PDHX: variants seen among roughly 807,000 people sequenced by gnomAD.
PDHX encodes pyruvate dehydrogenase protein X component, mitochondrial.
Under a neutral mutation model 55.3 loss-of-function variants are expected in PDHX, and 33 were observed. The observed-to-expected ratio is 0.60, with a 90% CI of 0.45 to 0.80. The LOEUF is 0.80. PDHX is among the 30% of genes least tolerant of loss of function. PDHX has a pLI of 0.00. For missense variants in PDHX, 622 were observed against 619.9 expected (o/e 1.00, Z -0.04); for synonymous variants, 226 against 219.4 (o/e 1.03, Z -0.27).
chr11:34,939,468 GGTGTGTGTGTGTGTGTGTGT>G (rs68165754), intron 2 of PDHX, among the ~76,000 whole-genome samples: 1 of 149,186 alleles, frequency 6.7e-6, no homozygotes, highest in Admixed American at 6.7e-5. Context: ...TTTTACTAAT[GGTGTGTGTGTGTGTGTGTGT>G]GTGTGTGTGT....
chr11:34,961,082 T>C lies in PDHX; in HGVS notation c.641+564T>C, dbSNP rs375722858. On this transcript the variant is annotated intron_variant, in intron 5 of 10. Transcript: ENST00000227868. ...TCTGATAACAATAGCTTTGCTCTTT[T>C]TTTAAATCAGTTTTCTTAGTTCATT... Among the ~76,000 whole-genome samples, 71 of 152,342 alleles carry C rather than the reference T, an allele frequency of 4.7e-4. 1 individual carries two copies. Among genetic ancestry groups the C allele is most frequent in the African/African-American group, 1.6e-3 (67 of 41,582 alleles).
At chr11:34,918,462 A>G (rs751757126) in intron 1 of PDHX, among the ~76,000 whole-genome samples, 3 of 151,692 alleles carry the variant, frequency 2.0e-5, no homozygotes, top group Admixed American at 6.6e-5. Flanking sequence ...AAAAGTATAC[A>G]TAGGCCCAGT....
intron 5 of PDHX, among the ~76,000 whole-genome samples, chr11:34,961,956 T>C (rs942116537): frequency 6.6e-6 from 1 of 152,244 alleles, no homozygotes; most frequent in East Asian, 1.9e-4. Flanking sequence ...TCCTGATTTG[T>C]GTCTACTGTT....
chr11:34,922,409 T>G (rs976680237), intron 1 of PDHX, among the ~76,000 whole-genome samples: 2 of 152,182 alleles, frequency 1.3e-5, no homozygotes, highest in Admixed American at 6.5e-5. Context: ...CATTTAATAC[T>G]CACAACTAAT....
chr11:34,921,902 C>G (rs1853889938), intron 1 of PDHX, among the ~76,000 whole-genome samples: 1 of 152,194 alleles, frequency 6.6e-6, no homozygotes, highest in African/African-American at 2.4e-5. Flanking sequence ...TGCATTACTT[C>G]TAACCATCAT....
At position 34,957,529 on chromosome 11, in the gene PDHX, C is replaced by T; in HGVS notation, c.488C>T (p.Pro163Leu). Reference protein sequence around the residue: ...VSKPSEPRPSPEPQISIPVKK... With the variant: ...VSKPSEPRPSLEPQISIPVKK... ...AAACCTTCAGAGCCTCGCCCCTCAC[C>T]AGAACCACAGATTTCCATCCCTGTC... The change falls in exon 4 of 11, where the codon CCA becomes CTA. Residue 163 changes from proline to leucine, a missense_variant. Coordinates refer to ENST00000227868, the MANE Select transcript of PDHX (RefSeq NM_003477.3). 6.2e-7 allele frequency: 1 copy of T among 1,613,996 alleles called. No individual in the cohort carries two copies. Among genetic ancestry groups the T allele is most frequent in the Non-Finnish European group, 8.5e-7 (1 of 1,179,982 alleles).
intron 3 of PDHX, among the ~76,000 whole-genome samples, chr11:34,948,872 CTTTTGGCAAACTGTGT>C (rs1217810517): frequency 1.3e-5 from 2 of 152,168 alleles, no homozygotes; most frequent in Non-Finnish European, 2.9e-5. Flanking sequence ...ATTATGTGTG[CTTTTGGCAAACTGTGT>C]TCTTGGCCCC....
intron 3 of PDHX, among the ~76,000 whole-genome samples, chr11:34,956,462 C>T (rs992108779): frequency 2.0e-5 from 3 of 151,962 alleles, no homozygotes; most frequent in Non-Finnish European, 4.4e-5. Context: ...GCTAATGAAC[C>T]TTATTTAGAG....
intron 4 of PDHX, among the ~76,000 whole-genome samples, chr11:34,958,452 C>T (rs1854952070): frequency 6.6e-6 from 1 of 152,086 alleles, no homozygotes; most frequent in African/African-American, 2.4e-5. Context: ...AGGCATGTGC[C>T]ACCATGCCTG....
chr11:34,941,549 C>G (rs1854480917), intron 2 of PDHX, among the ~76,000 whole-genome samples: 1 of 152,134 alleles, frequency 6.6e-6, no homozygotes, highest in Non-Finnish European at 1.5e-5. Flanking sequence ...CTTTAATGTT[C>G]ATGTTAATCT....
In PDHX at chr11:34,995,218, T is replaced by G. The variant is rs756393903; in HGVS notation, c.*46T>G. 5 of 1,600,674 alleles carry G rather than the reference T, an allele frequency of 3.1e-6. No homozygotes were observed. In the South Asian group the frequency reaches 5.5e-5, roughly 18 times the overall value. On this transcript the variant is annotated 3_prime_UTR_variant, in exon 11 of 11. Coordinates refer to ENST00000227868, the MANE Select transcript of PDHX (RefSeq NM_003477.3). ...GTGTTCAGCTTAGTTGATTCAGTAGTTGTTACCAAGAAACATATGTTATAG... is the reference window on the plus strand; with the variant it reads ...GTGTTCAGCTTAGTTGATTCAGTAGGTGTTACCAAGAAACATATGTTATAG...
At chr11:34,933,883 C>T (rs1854237098) in intron 2 of PDHX, among the ~76,000 whole-genome samples, 1 of 151,908 alleles carries the variant, frequency 6.6e-6, no homozygotes, top group Admixed American at 6.6e-5. Flanking sequence ...TATTTCAATA[C>T]ATTAAATATA....
intron 2 of PDHX, among the ~76,000 whole-genome samples, chr11:34,935,510 T>G (rs534910389): frequency 7.9e-5 from 12 of 152,330 alleles, no homozygotes; most frequent in African/African-American, 2.4e-4. Context: ...TTCCCCTTTT[T>G]CCTTTGCCAT....
chr11:34,951,049 C>A (rs1252854451), intron 3 of PDHX, among the ~76,000 whole-genome samples: 1 of 88,614 alleles, frequency 1.1e-5, no homozygotes, highest in Non-Finnish European at 2.1e-5. Context: ...TGTTTCCTGA[C>A]TTTTTTTTTT....
At chr11:34,955,165 T>C (rs776479758) in intron 3 of PDHX, among the ~76,000 whole-genome samples, 84 of 152,068 alleles carry the variant, frequency 5.5e-4, no homozygotes, top group Non-Finnish European at 9.6e-4. Flanking sequence ...GATGCTTTGG[T>C]AGGGCAGAGT....
intron 6 of PDHX, among the ~76,000 whole-genome samples, chr11:34,967,902 A>G (rs1254670991): frequency 6.6e-6 from 1 of 152,218 alleles, no homozygotes; most frequent in African/African-American, 2.4e-5. Context: ...TATTGAGTGT[A>G]TAGTCCACTC....
intron 3 of PDHX, among the ~76,000 whole-genome samples, chr11:34,948,184 C>T (rs983679241): frequency 4.6e-5 from 7 of 152,176 alleles, no homozygotes; most frequent in African/African-American, 1.7e-4. Flanking sequence ...TACATATATG[C>T]TCATCTCAAG....
At chr11:34,977,866 G>C in intron 7 of PDHX, 1 of 529,478 alleles carries the variant, frequency 1.9e-6, no homozygotes, top group Non-Finnish European at 3.6e-6. Context: ...TCTTGTGTAT[G>C]ATATCTAAGC....
chr11:34,988,081 A>G (rs1417802397), intron 9 of PDHX, among the ~76,000 whole-genome samples: 1 of 152,208 alleles, frequency 6.6e-6, no homozygotes, highest in Non-Finnish European at 1.5e-5. Context: ...ATTTAAACAG[A>G]TAAAATTTAG....
Sources: gnomAD v4.1 joint callset for allele counts (sites outside exome capture counted in the v4.1 genomes callset) on GRCh38, gnomAD v4.1.1 for gene constraint, MANE v1.5 for transcripts, NCBI Gene and HGNC (gene_info 2026-07-23, HGNC 2026-07-21) for gene names.